The following HSDL1 variants were observed in gnomAD, a reference collection of about 807,000 sequenced individuals.
HSDL1 encodes the protein hydroxysteroid dehydrogenase like 1, also known as inactive hydroxysteroid dehydrogenase-like protein 1.
In HSDL1, 29 loss-of-function variants were observed where a neutral mutation model predicts 31.5. The ratio of observed to expected loss-of-function variants is 0.92; its 90% CI spans 0.69 to 1.26. The LOEUF (loss-of-function observed/expected upper bound fraction) is 1.26, where lower values mean the gene tolerates loss of function less well. HSDL1 is among the 50% of genes most tolerant of loss of function. HSDL1 has a pLI of 0.00. For synonymous variants in HSDL1, 222 were observed against 155.2 expected (o/e 1.43, Z -3.20); for missense variants, 503 against 416.6 (o/e 1.21, Z -1.81).
chr16:84,129,423 T>C (rs2086639748), intron 5 of HSDL1, 125 bp downstream of exon 5: 1 of 729,270 alleles, frequency 1.4e-6, no homozygotes, highest in South Asian at 1.9e-5. Context: ...CCAAAATTAT[T>C]AAGTGTCAGG....
chr16:84,138,762 C>T (rs1567523878), intron 1 of HSDL1, among the ~76,000 whole-genome samples: 2 of 152,210 alleles, frequency 1.3e-5, no homozygotes, highest in African/African-American at 2.4e-5. Context: ...ATCTTTTAAG[C>T]ATTTTCTACT....
In HSDL1 at chr16:84,129,635, C is replaced by A. The variant is rs746510365; in HGVS notation, c.807G>T (p.Val269=). Residue 269 remains valine (V), a synonymous_variant, in exon 5 of 6, where the codon GTG becomes GTT. Coordinates refer to ENST00000219439, the MANE Select transcript of HSDL1 (RefSeq NM_031463.5). ...SNFLHRCSWL[V]PSPKVYAHHA... ...GATGTGCATAGACTTTTGGCGAAGGCACCAACCACGAGCACCTGTGCAGAA... is the reference window on the plus strand; with the variant it reads ...GATGTGCATAGACTTTTGGCGAAGGAACCAACCACGAGCACCTGTGCAGAA... 5 of 1,614,196 alleles carry A rather than the reference C, an allele frequency of 3.1e-6. No homozygotes were observed. The South Asian group carries it at 5.5e-5, about 18-fold the overall frequency.
intron 1 of HSDL1, among the ~76,000 whole-genome samples, chr16:84,141,594 G>A (rs78481695): frequency 4.1e-4 from 62 of 152,340 alleles, no homozygotes; most frequent in African/African-American, 1.4e-3. Flanking sequence ...CTTTTGCAAA[G>A]CGGCAGAACC....
At position 84,130,046 on chromosome 16, in the gene HSDL1, C is replaced by T. The variant is rs148654230; in HGVS notation, c.606G>A (p.Thr202=). 4.8e-5 allele frequency: 77 copies of T among 1,614,168 alleles called. No homozygotes were observed. The highest frequency in any genetic ancestry group is 1.7e-4 in the African/African-American group (13 of 75,032). ...GTTTGCAGCAGGAGCCAGAAGAGAT[C>T]GTGACGATGGCACCTTTCTTTCTCT... The part of the protein sequence containing the change: ...MVERKKGAIV[T]ISSGSCCKPT... The change falls in exon 4 of 6, where the codon ACG becomes ACA. Residue 202 remains threonine (T), a synonymous_variant. Transcript: ENST00000219439.
In HSDL1 at chr16:84,145,069, G is replaced by T. The variant is rs1260823141; in HGVS notation, c.-69+11C>A. On this transcript the variant is annotated intron_variant, in intron 1 of 5. Coordinates refer to ENST00000219439, the MANE Select transcript of HSDL1 (RefSeq NM_031463.5). Reference sequence around the variant, plus strand: ...CGCGAGAGGGCGCCCAGGGCGCGGGGGGCGCGGTACCTGCAGGCCGGCAAA... The same window carrying T: ...CGCGAGAGGGCGCCCAGGGCGCGGGTGGCGCGGTACCTGCAGGCCGGCAAA... 6.4e-6 allele frequency: 1 copy of T among 156,346 alleles called. No homozygotes were observed. The highest frequency in any genetic ancestry group is 1.4e-5 in the Non-Finnish European group (1 of 71,188). The allele number at this position is 156,346 out of a possible 1,614,324, so 9.7% of individuals were successfully genotyped here.
chr16:84,127,101 T>C (rs2086615575), intron 5 of HSDL1, among the ~76,000 whole-genome samples: 1 of 151,728 alleles, frequency 6.6e-6, no homozygotes, highest in African/African-American at 2.4e-5. Flanking sequence ...TCTTTATTTC[T>C]AAAAAAATTT....
intron 1 of HSDL1, among the ~76,000 whole-genome samples, chr16:84,143,861 G>C (rs1304708785): frequency 6.6e-6 from 1 of 151,926 alleles, no homozygotes; most frequent in African/African-American, 2.4e-5. Context: ...AAATTAGCTG[G>C]GTGTGGTAGA....
At chr16:84,142,887 A>C (rs1457262088) in intron 1 of HSDL1, among the ~76,000 whole-genome samples, 1 of 152,220 alleles carries the variant, frequency 6.6e-6, no homozygotes, top group East Asian at 1.9e-4. Context: ...GCACTATGAC[A>C]AAGTTAGCAT....
intron 4 of HSDL1, 104 bp downstream of exon 4, chr16:84,129,882 G>C (rs371147870): frequency 1.4e-6 from 2 of 1,394,620 alleles, no homozygotes; most frequent in Non-Finnish European, 2.0e-6. Flanking sequence ...TACAGGATAA[G>C]CATATGTGAG....
intron 1 of HSDL1, among the ~76,000 whole-genome samples, chr16:84,138,842 T>C (rs932710775): frequency 6.6e-6 from 1 of 152,190 alleles, no homozygotes; most frequent in Non-Finnish European, 1.5e-5. Flanking sequence ...GGGACAATTA[T>C]GGTCAAAACT....
chr16:84,131,246 C>A lies in HSDL1; in HGVS notation c.76G>T (p.Ala26Ser). Residue 26 changes from alanine (A) to serine (S), a missense_variant, in exon 3 of 6, where the codon GCT (alanine) becomes TCT (serine). Physicochemically the swap from Ala to Ser is moderately conservative, Grantham distance 99. Transcript: ENST00000219439. ...RSCNCYMEAL[A>S]LVGAWYTARK... ...GCCGTATACCAGGCTCCAACCAAAG[C>A]TAGAGCTTCCATATAGCAATTGCAA... The A allele has an allele frequency of 6.2e-7, 1 of 1,614,154 alleles. No individual in the cohort carries two copies. Among genetic ancestry groups the A allele is most frequent in the Non-Finnish European group, 8.5e-7 (1 of 1,180,024 alleles).
intron 1 of HSDL1, among the ~76,000 whole-genome samples, chr16:84,139,808 G>A (rs931701061): frequency 1.1e-4 from 16 of 152,192 alleles, no homozygotes; most frequent in African/African-American, 3.9e-4. Flanking sequence ...GACCAGGGTA[G>A]ACCTGAGGTC....
At chr16:84,140,390 G>A (rs1275279217) in intron 1 of HSDL1, among the ~76,000 whole-genome samples, 4 of 151,952 alleles carry the variant, frequency 2.6e-5, no homozygotes, top group South Asian at 2.1e-4. Context: ...TCAGCCTCCC[G>A]AGTAGCTGGG....
intron 5 of HSDL1, among the ~76,000 whole-genome samples, chr16:84,129,139 T>C (rs1047086151): frequency 6.6e-6 from 1 of 152,076 alleles, no homozygotes; most frequent in Admixed American, 6.5e-5. Context: ...TCTCAGCACT[T>C]TGGGAGGCTG....
chr16:84,136,671 C>A (rs534391173), intron 1 of HSDL1, among the ~76,000 whole-genome samples: 1 of 152,374 alleles, frequency 6.6e-6, no homozygotes, highest in Admixed American at 6.5e-5. Flanking sequence ...GGGCTTCAAG[C>A]CCATCATGGC....
intron 1 of HSDL1, among the ~76,000 whole-genome samples, chr16:84,137,281 G>A (rs750969412): frequency 5.9e-5 from 9 of 152,182 alleles, no homozygotes; most frequent in Admixed American, 3.9e-4. Context: ...AGAAAGGCTC[G>A]GCACCGTCAA....
At chr16:84,130,887 A>T in intron 3 of HSDL1, 1 of 549,734 alleles carries the variant, frequency 1.8e-6, no homozygotes, top group South Asian at 2.6e-5. Context: ...TGGGAACAGG[A>T]GAGAGCAGAA....
chr16:84,133,865 A>T (rs1176611082), intron 2 of HSDL1, among the ~76,000 whole-genome samples: 1 of 152,234 alleles, frequency 6.6e-6, no homozygotes, highest in African/African-American at 2.4e-5. Flanking sequence ...TCATCATGAA[A>T]AGGAAACATT....
At chr16:84,134,685 G>A (rs912712791) in intron 2 of HSDL1, among the ~76,000 whole-genome samples, 5 of 151,922 alleles carry the variant, frequency 3.3e-5, no homozygotes, top group Non-Finnish European at 7.4e-5. Flanking sequence ...TGTGAGTTCC[G>A]GAAATAACTC....
Sources: gnomAD v4.1 joint callset for allele counts (sites outside exome capture counted in the v4.1 genomes callset) on GRCh38, gnomAD v4.1.1 for gene constraint, MANE v1.5 for transcripts, NCBI Gene and HGNC (gene_info 2026-07-23, HGNC 2026-07-21) for gene names.